PRKCZ: variants seen among roughly 807,000 people sequenced by gnomAD.
PRKCZ encodes protein kinase C zeta.
In PRKCZ, 33 loss-of-function variants were observed where a neutral mutation model predicts 79.5. The ratio of observed to expected loss-of-function variants is 0.41; its 90% confidence interval spans 0.31 to 0.55. The LOEUF is 0.55. PRKCZ is among the 20% of genes least tolerant of loss of function. The pLI, the probability that PRKCZ is intolerant of heterozygous loss-of-function variation, is 0.19. For synonymous variants in PRKCZ, 342 were observed against 320.9 expected (o/e 1.07, Z -0.70); for missense variants, 578 against 813.5 (o/e 0.71, Z 3.52).
chr1:2,098,866 G>T (rs1322061798), intron 4 of PRKCZ, among the ~76,000 whole-genome samples: 1 of 151,986 alleles, frequency 6.6e-6, no homozygotes, highest in African/African-American at 2.4e-5. Context: ...TATATTTAGT[G>T]GAGATGGGGT....
chr1:2,079,597 A>G (rs1432738617), intron 4 of PRKCZ, among the ~76,000 whole-genome samples: 4 of 152,220 alleles, frequency 2.6e-5, no homozygotes, highest in Admixed American at 1.3e-4. Flanking sequence ...CTTGGCTCCC[A>G]AGGCTATCAT....
chr1:2,133,620 C>G (rs547649194), intron 4 of PRKCZ: 1 of 149,662 alleles, frequency 6.7e-6, no homozygotes, highest in Non-Finnish European at 1.5e-5. Flanking sequence ...CATCCCTCGG[C>G]TCCGCCCCCG....
rs551116014 is a variant in PRKCZ, at chr1:2,125,088, T to C, written c.335-10174T>C. 2.0e-4 allele frequency among the ~76,000 whole-genome samples: 30 copies of C among 152,218 alleles called. No homozygotes were observed. The highest frequency in any genetic ancestry group is 1.8e-3 in the Admixed American group (28 of 15,288). ...AATCTCTGCCTCCAGCCTGGGCCTT[T>C]GGGTCTGTTTGAGGGTGGGGGACAC... On this transcript the variant is annotated intron_variant, in intron 4 of 17. Transcript: ENST00000378567. This position sits in a 1 kb window ranked among gnomAD's most constrained non-coding sequence, Gnocchi z 4.2.
At chr1:2,101,496 T>A (rs1667435183) in intron 4 of PRKCZ, among the ~76,000 whole-genome samples, 1 of 152,214 alleles carries the variant, frequency 6.6e-6, no homozygotes, top group Non-Finnish European at 1.5e-5. Context: ...CTCATTTGTT[T>A]CTGTGTTTGT....
chr1:2,135,160 C>A, intron 4 of PRKCZ, 102 bp from the exon 5 acceptor site: 1 of 992,236 alleles, frequency 1.0e-6, no homozygotes, highest in South Asian at 1.6e-5. Context: ...GAGGACGCTG[C>A]GGCCGCCACC....
chr1:2,135,134 T>G, intron 4 of PRKCZ, 128 bp from the exon 5 acceptor site: 1 of 724,676 alleles, frequency 1.4e-6, no homozygotes, highest in Non-Finnish European at 2.3e-6. Flanking sequence ...ATTCCAGCCC[T>G]GCCTTCCCTG....
At chr1:2,118,406 C>T in intron 4 of PRKCZ, among the ~76,000 whole-genome samples, 1 of 149,664 alleles carries the variant, frequency 6.7e-6, no homozygotes, top group East Asian at 2.0e-4. Flanking sequence ...GGCACCATCT[C>T]CACTCACTGC....
intron 10 of PRKCZ, among the ~76,000 whole-genome samples, chr1:2,164,979 T>C (rs1683051619): frequency 6.6e-6 from 1 of 152,168 alleles, no homozygotes; most frequent in Non-Finnish European, 1.5e-5. Flanking sequence ...ATGCGTCCTT[T>C]CATGTTGAGG....
At chr1:2,120,044 C>A (rs1671549204) in intron 4 of PRKCZ, among the ~76,000 whole-genome samples, 1 of 152,088 alleles carries the variant, frequency 6.6e-6, no homozygotes, top group African/African-American at 2.4e-5. Flanking sequence ...GGGTTTCCCC[C>A]AACAGGTTTT....
intron 4 of PRKCZ, among the ~76,000 whole-genome samples, chr1:2,133,385 G>C (rs1223734090): frequency 7.0e-6 from 1 of 143,380 alleles, no homozygotes; most frequent in East Asian, 2.1e-4. Context: ...CTGTGCGTCT[G>C]GCCCTCAGCT....
intron 4 of PRKCZ, among the ~76,000 whole-genome samples, chr1:2,101,755 G>T (rs1206674907): frequency 6.6e-6 from 1 of 152,210 alleles, no homozygotes; most frequent in Non-Finnish European, 1.5e-5. Flanking sequence ...GTACTTAGCA[G>T]CAGGTACTGA....
Position 2,174,719 on chromosome 1 carries a change from C to T in PRKCZ, c.1406-35C>T, listed in dbSNP as rs768860722. The stretch of plus-strand genomic sequence containing the variant: ...GCGGCACTGGGCAAATGGCACACAA[C>T]ACAGGCAAGTCCTCACCAGGCTCCG... On this transcript the variant is annotated intron_variant, in intron 14 of 17. Coordinates refer to ENST00000378567, the MANE Select transcript of PRKCZ (RefSeq NM_002744.6). The surrounding 1 kb of genome is among the most constrained non-coding windows in gnomAD (Gnocchi z 6.2). The T allele has an allele frequency of 7.5e-6, 12 of 1,602,238 alleles. No homozygotes were observed. Among genetic ancestry groups the T allele is most frequent in the Non-Finnish European group, 1.0e-5 (12 of 1,169,796 alleles).
rs186596815 is a variant in PRKCZ, at chr1:2,061,284, G to A, written c.334+1693G>A. Among the ~76,000 whole-genome samples, 354 of 152,302 alleles carry A rather than the reference G, an allele frequency of 2.3e-3. 1 individual carries two copies. Among genetic ancestry groups the A allele is most frequent in the Admixed American group, 7.5e-3 (115 of 15,302 alleles). On this transcript the variant is annotated intron_variant, in intron 4 of 17. Coordinates refer to ENST00000378567, the MANE Select transcript of PRKCZ (RefSeq NM_002744.6). ...CCTCTTGTCTCAACCCTGCCTGGGG[G>A]CCTGGGGTCTGCTCTTTCTGTCTAC...
intron 7 of PRKCZ, 103 bp from the exon 8 acceptor site, chr1:2,148,769 T>A (rs1259382910): frequency 8.4e-7 from 1 of 1,187,322 alleles, no homozygotes; most frequent in African/African-American, 1.5e-5. Flanking sequence ...GGATTCACCC[T>A]TCACCGTCAC....
chr1:2,172,219 C>T lies in PRKCZ; in HGVS notation c.1197+29C>T. 1 of 1,613,498 alleles carries T rather than the reference C, an allele frequency of 6.2e-7. No homozygotes were observed. Among genetic ancestry groups the T allele is most frequent in the East Asian group, 2.2e-5 (1 of 44,874 alleles). On this transcript the variant is annotated intron_variant, in intron 12 of 17. Coordinates refer to ENST00000378567, the MANE Select transcript of PRKCZ (RefSeq NM_002744.6). The surrounding 1 kb of genome is among the most constrained non-coding windows in gnomAD (Gnocchi z 7.8). The stretch of plus-strand genomic sequence containing the variant: ...CGTGCCTTGGACCGCCTCCCCTGAC[C>T]ATCCCGCATGTGCGTCTCGGGGCGC...
intron 10 of PRKCZ, among the ~76,000 whole-genome samples, chr1:2,163,735 A>G (rs1011224100): frequency 4.3e-4 from 26 of 60,892 alleles, no homozygotes; most frequent in African/African-American, 1.1e-3. Context: ...CTAAAAATAC[A>G]AAAAAAAAAA....
chr1:2,074,855 T>G (rs1421131837), intron 4 of PRKCZ: 1 of 96,034 alleles, frequency 1.0e-5, no homozygotes, highest in African/African-American at 3.5e-5. Flanking sequence ...TTGCAAGGTG[T>G]TTTTTTTAAA....
Position 2,172,784 on chromosome 1 carries a change from C to T in PRKCZ, c.1285+396C>T, listed in dbSNP as rs902588486. ...TGTGGACAGGACCCCACAGGCCCTGCGGCTGAGGACGCCGTGCACACCAGA... is the reference window on the plus strand; with the variant it reads ...TGTGGACAGGACCCCACAGGCCCTGTGGCTGAGGACGCCGTGCACACCAGA... On this transcript the variant is annotated intron_variant, in intron 13 of 17. Coordinates refer to ENST00000378567, the MANE Select transcript of PRKCZ (RefSeq NM_002744.6). The surrounding 1 kb of genome is among the most constrained non-coding windows in gnomAD (Gnocchi z 7.8). 2.6e-5 allele frequency among the ~76,000 whole-genome samples: 4 copies of T among 152,248 alleles called. No individual in the cohort carries two copies. The highest frequency in any genetic ancestry group is 7.2e-5 in the African/African-American group (3 of 41,462).
At chr1:2,175,568 CCCAACCCCT>C (rs1281129276) in intron 16 of PRKCZ, among the ~76,000 whole-genome samples, 42 of 127,976 alleles carry the variant, frequency 3.3e-4, no homozygotes, top group African/African-American at 9.6e-4. Context: ...CCCCTACACC[CCCAACCCCT>C]CCAACCCCTA....
Sources: gnomAD v4.1 joint callset for allele counts (sites outside exome capture counted in the v4.1 genomes callset) on GRCh38, gnomAD v4.1.1 for gene constraint, Gnocchi (gnomAD v3.1) non-coding constraint, MANE v1.5 for transcripts, NCBI Gene and HGNC (gene_info 2026-07-23, HGNC 2026-07-21) for gene names.